The following NOM1 variants were observed in gnomAD, a reference collection of about 807,000 sequenced individuals.
NOM1 encodes the protein nucleolar protein with MIF4G domain 1, also known as nucleolar MIF4G domain-containing protein 1.
NOM1 carries 58 observed loss-of-function variants against 73.3 expected under a neutral mutation model. That is an observed-to-expected ratio of 0.79 (90% CI 0.64 to 0.99). The LOEUF is 0.99. Among genes scored for constraint, NOM1 ranks in the 50% least tolerant of loss-of-function variants. The pLI, the probability that NOM1 is intolerant of heterozygous loss-of-function variation, is 0.00. For missense variants in NOM1, 1,226 were observed against 1,131.9 expected (o/e 1.08, Z -1.19); for synonymous variants, 487 against 446.8 (o/e 1.09, Z -1.14).
At chr7:156,952,733 A>C in intron 2 of NOM1, 135 bp downstream of exon 2, 1 of 937,056 alleles carries the variant, frequency 1.1e-6, no homozygotes, top group South Asian at 1.8e-5. Context: ...GGCTTGATGC[A>C]CCGAGACCCA....
chr7:156,966,552 C>A, intron 8 of NOM1, 150 bp downstream of exon 8: 1 of 904,104 alleles, frequency 1.1e-6, no homozygotes, highest in Non-Finnish European at 1.7e-6. Flanking sequence ...AGGCCACCTT[C>A]ACTGGGAGCG....
Position 156,954,522 on chromosome 7 carries a change from C to CTTTTTT in NOM1, c.1308+239_1308+244dup, listed in dbSNP as rs34176770. ...ACTTTGCTTTTTTGTTCTGTCCATT[C>CTTTTTT]TTTTTTTTTTTTTTTTTTTTGAGAC... is the stretch of plus-strand genomic sequence containing the variant. On this transcript the variant is annotated intron_variant, in intron 3 of 10. Coordinates refer to ENST00000275820, the MANE Select transcript of NOM1 (RefSeq NM_138400.2). Among the ~76,000 whole-genome samples the CTTTTTT allele has an allele frequency of 2.1e-4, 21 of 101,652 alleles. 2 individuals carry two copies. Among genetic ancestry groups the CTTTTTT allele is most frequent in the African/African-American group, 4.3e-4 (11 of 25,330 alleles). 66.7% of individuals were successfully genotyped at this position (101,652 alleles called of 152,430 possible).
chr7:156,968,872 C>T, intron 9 of NOM1: 1 of 491,246 alleles, frequency 2.0e-6, no homozygotes, highest in Non-Finnish European at 3.6e-6. Flanking sequence ...GTGGCTGTGG[C>T]CGGCCACACC....
At chr7:156,967,181 G>A (rs1419995569) in intron 9 of NOM1, 89 bp downstream of exon 9, 9 of 1,438,990 alleles carry the variant, frequency 6.3e-6, no homozygotes, top group Admixed American at 2.2e-5. Flanking sequence ...TTTTACCAGC[G>A]TATTTTCTTC....
At chr7:156,953,831 T>C (rs556554723) in intron 2 of NOM1, among the ~76,000 whole-genome samples, 2 of 152,196 alleles carry the variant, frequency 1.3e-5, no homozygotes, top group Non-Finnish European at 2.9e-5. Flanking sequence ...CTCACGTATG[T>C]TTCTGTAGAC....
Position 156,963,944 on chromosome 7 carries a change from A to T in NOM1, c.1951A>T (p.Met651Leu). 1.2e-6 allele frequency: 2 copies of T among 1,614,190 alleles called. No individual in the cohort carries two copies. The highest frequency in any genetic ancestry group is 1.7e-6 in the Non-Finnish European group (2 of 1,180,004). ...CCTAGAACTCGCCCGGAAGCAGAGG[A>T]TGAACACAGACATCCGGAGAAACAT... ...KILELARKQR[M>L]NTDIRRNIFC... Residue 651 changes from methionine to leucine, a missense_variant, in exon 7 of 11, where the codon ATG (methionine) becomes TTG (leucine). Coordinates refer to ENST00000275820, the MANE Select transcript of NOM1 (RefSeq NM_138400.2).
rs1187618371 is a variant in NOM1, at chr7:156,960,192, G to T, written c.1632+18G>T. ...AGACCAGGGTACGCGTGCGACGCTT[G>T]ATCTGCTTCCTAAGTCCCTAAAGCT... On this transcript the variant is annotated intron_variant, in intron 4 of 10. Coordinates refer to ENST00000275820, the MANE Select transcript of NOM1 (RefSeq NM_138400.2). The T allele has an allele frequency of 1.9e-6, 3 of 1,593,944 alleles. No individual in the cohort carries two copies. In the South Asian group the frequency reaches 3.4e-5, roughly 18 times the overall value.
At chr7:156,967,958 A>G (rs568281887) in intron 9 of NOM1, among the ~76,000 whole-genome samples, 1 of 151,838 alleles carries the variant, frequency 6.6e-6, no homozygotes, top group Non-Finnish European at 1.5e-5. Context: ...TGAAAAGCAG[A>G]GATAGTTGAG....
chr7:156,971,745 A>C lies in NOM1; in HGVS notation c.*2042A>C, dbSNP rs115710772. 1.3e-5 allele frequency: 2 copies of C among 152,278 alleles called. No homozygotes were observed. The highest frequency in any genetic ancestry group is 1.3e-4 in the Admixed American group (2 of 15,290). The allele number at this position is 152,278 out of a possible 1,614,324, so 9.4% of individuals were successfully genotyped here. ...AAACTAATGGTTTAAGCTTTGAAGC[A>C]TGCGCAAGCAACATGAACAACTGAA... On this transcript the variant is annotated 3_prime_UTR_variant, in exon 11 of 11. Transcript: ENST00000275820.
At chr7:156,953,938 A>G (rs546912856) in intron 2 of NOM1, among the ~76,000 whole-genome samples, 165 bp from the exon 3 acceptor site, 2 of 152,346 alleles carry the variant, frequency 1.3e-5, no homozygotes, top group South Asian at 4.1e-4. Flanking sequence ...GTTATGAATA[A>G]TATATGCTGG....
chr7:156,951,671 A>C (rs997298368), intron 1 of NOM1, among the ~76,000 whole-genome samples: 4 of 150,054 alleles, frequency 2.7e-5, no homozygotes, highest in Non-Finnish European at 4.4e-5. Flanking sequence ...AAACACCACC[A>C]CCCCCCTTGA....
rs572760303 is a variant in NOM1 at position 156,956,456 on chromosome 7, A to T, written c.1308+2158A>T. On this transcript the variant is annotated intron_variant, in intron 3 of 10. Coordinates refer to ENST00000275820, the MANE Select transcript of NOM1 (RefSeq NM_138400.2). The stretch of plus-strand genomic sequence containing the variant: ...AGCGCTCATTGAAGGCTCATTATTT[A>T]TGTACAGAAGGAGATTTTCGTGTTT... 5.9e-5 allele frequency among the ~76,000 whole-genome samples: 9 copies of T among 152,348 alleles called. No homozygotes were observed. In the South Asian group the frequency reaches 6.2e-4, roughly 11 times the overall value.
chr7:156,964,272 G>GTTT (rs111604453), intron 7 of NOM1: 158 of 205,902 alleles, frequency 7.7e-4, no homozygotes, highest in African/African-American at 3.5e-3. Context: ...GGGGTTTGGG[G>GTTT]TTTTTTTTTT....
intron 3 of NOM1, among the ~76,000 whole-genome samples, chr7:156,958,412 T>C (rs531019047): frequency 6.6e-6 from 1 of 152,302 alleles, no homozygotes; most frequent in Admixed American, 6.5e-5. Flanking sequence ...CGCAGCTGCG[T>C]TATTTAGGCC....
intron 7 of NOM1, 166 bp downstream of exon 7, chr7:156,964,192 A>G: frequency 1.8e-6 from 1 of 559,988 alleles, no homozygotes; most frequent in Non-Finnish European, 3.0e-6. Context: ...TCTCTGGGTT[A>G]GTCGTCATGT....
rs768092745 is a variant in NOM1, at chr7:156,966,282, G to C, written c.2046G>C (p.Lys682Asn). 9 of 1,613,868 alleles carry C rather than the reference G, an allele frequency of 5.6e-6. No individual in the cohort carries two copies. The African/African-American group carries it at 1.1e-4, about 19-fold the overall frequency. ...AFEKLLKLGL[K>N]DQQEREIIHV... ...TTCTGTTTTCTAGGCTTGGACTTAA[G>C]GATCAGCAGGAGAGAGAAATCATTC... The change falls in exon 8 of 11, where the codon AAG becomes AAC. Residue 682 changes from lysine (K) to asparagine (N), a missense_variant. Coordinates refer to ENST00000275820, the MANE Select transcript of NOM1 (RefSeq NM_138400.2).
At position 156,949,923 on chromosome 7, in the gene NOM1, C is replaced by G. The variant is rs776947549; in HGVS notation, c.186C>G (p.Pro62=). 1 of 1,542,118 alleles carries G rather than the reference C, an allele frequency of 6.5e-7. No individual in the cohort carries two copies. Among genetic ancestry groups the G allele is most frequent in the Non-Finnish European group, 8.7e-7 (1 of 1,145,514 alleles). ...ACGCGACTTCGGAAGGCGAGGCTCC[C>G]GGGGGTTGCGAGGGGCGCGGCGCCC... ...FVHATSEGEA[P]GGCEGRGAPV... Residue 62 remains proline, a synonymous_variant, in exon 1 of 11, where the codon CCC becomes CCG. Coordinates refer to ENST00000275820, the MANE Select transcript of NOM1 (RefSeq NM_138400.2).
At chr7:156,953,590 T>G (rs2134772850) in intron 2 of NOM1, among the ~76,000 whole-genome samples, 1 of 152,220 alleles carries the variant, frequency 6.6e-6, no homozygotes, top group Non-Finnish European at 1.5e-5. Context: ...TATAAACCTC[T>G]GTTTCAGTGT....
intron 3 of NOM1, among the ~76,000 whole-genome samples, chr7:156,956,457 T>C (rs566407375): frequency 8.5e-5 from 13 of 152,384 alleles, no homozygotes; most frequent in Non-Finnish European, 1.6e-4. Context: ...TCATTATTTA[T>C]GTACAGAAGG....
Sources: allele counts gnomAD v4.1 joint callset (sites outside exome capture counted in the v4.1 genomes callset), GRCh38; gene constraint gnomAD v4.1.1; transcripts MANE v1.5; gene names NCBI Gene and HGNC (gene_info 2026-07-23, HGNC 2026-07-21).